SH3GL3: variants seen among roughly 807,000 people sequenced by gnomAD.
SH3GL3 encodes the protein SH3 domain containing GRB2 like 3, endophilin A3.
Under a neutral mutation model 47.7 loss-of-function variants are expected in SH3GL3, and 33 were observed. That is an observed-to-expected ratio of 0.69 (90% CI 0.52 to 0.92). SH3GL3 has a LOEUF of 0.92. Among genes scored for constraint, SH3GL3 ranks in the 40% least tolerant of loss-of-function variants. The pLI is 0.00. For missense variants in SH3GL3, 363 were observed against 417.8 expected (o/e 0.87, Z 1.14); for synonymous variants, 155 against 148.8 (o/e 1.04, Z -0.30).
chr15:83,501,239 T>C (rs1330239318), intron 1 of SH3GL3, among the ~76,000 whole-genome samples: 2 of 152,216 alleles, frequency 1.3e-5, no homozygotes, highest in African/African-American at 4.8e-5. Context: ...GGATTAAATT[T>C]GTAATTATTG....
chr15:83,563,694 A>G (rs1165187940), intron 2 of SH3GL3, among the ~76,000 whole-genome samples: 1 of 151,948 alleles, frequency 6.6e-6, no homozygotes, highest in Non-Finnish European at 1.5e-5. Context: ...GCTGGAGTGT[A>G]GTGGCGTGAT....
At chr15:83,484,573 C>T (rs1304505117) in intron 1 of SH3GL3, among the ~76,000 whole-genome samples, 1 of 151,522 alleles carries the variant, frequency 6.6e-6, no homozygotes, top group African/African-American at 2.4e-5. Context: ...TCCCACATTT[C>T]TTTATTTTGG....
intron 8 of SH3GL3, among the ~76,000 whole-genome samples, chr15:83,614,083 C>T (rs1319704588): frequency 6.6e-6 from 1 of 152,174 alleles, no homozygotes; most frequent in African/African-American, 2.4e-5. Context: ...GACTTTGACT[C>T]ACAGCTCAGG....
chr15:83,589,925 A>G (rs117140652), intron 8 of SH3GL3, among the ~76,000 whole-genome samples: 8,623 of 152,252 alleles, frequency 0.057, 337 homozygotes, highest in Middle Eastern at 0.099. Flanking sequence ...AAGCATGAAC[A>G]CCTGCTTCCC....
In SH3GL3 at chr15:83,566,365, AGTGTGT is replaced by A. The variant is rs57323112; in HGVS notation, c.187+1196_187+1201del. Among the ~76,000 whole-genome samples, 1,257 of 136,566 alleles carry A rather than the reference AGTGTGT, an allele frequency of 9.2e-3. 18 individuals carry two copies. Among genetic ancestry groups the A allele is most frequent in the African/African-American group, 0.027 (985 of 36,640 alleles). 89.6% of individuals were successfully genotyped at this position (136,566 alleles called of 152,430 possible). A position where few individuals can be genotyped will look rare whatever the true frequency, so the allele number is the denominator to read the frequency against. ...GATGGGCAGAGAGAGAGAGAGAGAG[AGTGTGT>A]GTGTGTGTGTGTGTGTGTGTGTGTG... On this transcript the variant is annotated intron_variant, in intron 3 of 8. Coordinates refer to ENST00000427482, the MANE Select transcript of SH3GL3 (RefSeq NM_003027.5).
chr15:83,494,635 C>T (rs375598266), intron 1 of SH3GL3, among the ~76,000 whole-genome samples: 3 of 151,674 alleles, frequency 2.0e-5, no homozygotes, highest in East Asian at 1.9e-4. Context: ...CTCTGCCTCC[C>T]GGGTTCAAGC....
chr15:83,591,683 T>G (rs1281756053), intron 8 of SH3GL3, among the ~76,000 whole-genome samples: 1 of 151,978 alleles, frequency 6.6e-6, no homozygotes, highest in East Asian at 1.9e-4. Flanking sequence ...TATTTTTTAT[T>G]TTATTTATTT....
chr15:83,558,201 G>A (rs555952796), intron 1 of SH3GL3, among the ~76,000 whole-genome samples: 10 of 152,094 alleles, frequency 6.6e-5, no homozygotes, highest in Admixed American at 1.3e-4. Context: ...TGTCTTCCTC[G>A]TTCTTTAATC....
intron 1 of SH3GL3, among the ~76,000 whole-genome samples, chr15:83,557,850 T>C (rs1476071142): frequency 6.6e-6 from 1 of 152,206 alleles, no homozygotes; most frequent in Non-Finnish European, 1.5e-5. Context: ...ACTCCAACTC[T>C]AGCTCGGAGG....
chr15:83,618,048 A>G, intron 8 of SH3GL3, 34 bp from the exon 9 acceptor site: 3 of 1,339,964 alleles, frequency 2.2e-6, no homozygotes, highest in Non-Finnish European at 3.2e-6. Context: ...CATCATGTTC[A>G]TCTGTACTTT....
In SH3GL3 at chr15:83,543,590, TA is replaced by T. The variant is rs1188211385; in HGVS notation, c.46-15660del. ...AGTAGGATTTGTATTAGTTCCTCTT[TA>T]AATGTTTGGTAGAATTCAGCAGTGA... On this transcript the variant is annotated intron_variant, in intron 1 of 8. Coordinates refer to ENST00000427482, the MANE Select transcript of SH3GL3 (RefSeq NM_003027.5). Among the ~76,000 whole-genome samples, 4 of 152,094 alleles carry T rather than the reference TA, an allele frequency of 2.6e-5. No homozygotes were observed. In the East Asian group the frequency reaches 7.7e-4, roughly 29 times the overall value.
At chr15:83,457,444 C>G (rs1279339664) in intron 1 of SH3GL3, among the ~76,000 whole-genome samples, 7 of 152,226 alleles carry the variant, frequency 4.6e-5, no homozygotes, top group African/African-American at 1.4e-4. Context: ...TTCCCCCTTT[C>G]TCTTTTAATG....
intron 1 of SH3GL3, among the ~76,000 whole-genome samples, chr15:83,521,365 C>A (rs774229279): frequency 1.3e-5 from 2 of 152,074 alleles, no homozygotes; most frequent in Non-Finnish European, 2.9e-5. Flanking sequence ...ATGGACACTA[C>A]CTTTAGGTGC....
At chr15:83,494,942 G>C (rs1031624105) in intron 1 of SH3GL3, among the ~76,000 whole-genome samples, 1 of 152,176 alleles carries the variant, frequency 6.6e-6, no homozygotes, top group South Asian at 2.1e-4. Flanking sequence ...GCGGAAGAGG[G>C]TGCTGTGGTC....
chr15:83,604,320 G>T (rs1217452102), intron 8 of SH3GL3, among the ~76,000 whole-genome samples: 1 of 152,116 alleles, frequency 6.6e-6, no homozygotes, highest in Non-Finnish European at 1.5e-5. Flanking sequence ...GCTTGCACCC[G>T]AGTAGTTCTT....
At chr15:83,583,248 C>T (rs976162494) in intron 6 of SH3GL3, among the ~76,000 whole-genome samples, 1 of 152,226 alleles carries the variant, frequency 6.6e-6, no homozygotes, top group Non-Finnish European at 1.5e-5. Flanking sequence ...TCTCTGTCCT[C>T]GCCATGGGCT....
chr15:83,517,548 G>A (rs1022827363), intron 1 of SH3GL3, among the ~76,000 whole-genome samples: 4 of 152,024 alleles, frequency 2.6e-5, no homozygotes, highest in Non-Finnish European at 5.9e-5. Context: ...TTTGATTGAG[G>A]TTGAGAACCT....
intron 1 of SH3GL3, among the ~76,000 whole-genome samples, chr15:83,531,377 G>T (rs2043663992): frequency 6.6e-6 from 1 of 152,206 alleles, no homozygotes; most frequent in South Asian, 2.1e-4. Context: ...GACCTTTGAA[G>T]GCTGTGTAGG....
At chr15:83,619,111 G>T (rs147341374), downstream of SH3GL3, among the ~76,000 whole-genome samples, 416 of 152,282 alleles carry the variant, frequency 2.7e-3, 3 homozygotes, top group Middle Eastern at 0.01. Flanking sequence ...CCCTGGCCTT[G>T]CCTACAGTAC....
Sources: gnomAD v4.1 joint callset for allele counts (sites outside exome capture counted in the v4.1 genomes callset) on GRCh38, gnomAD v4.1.1 for gene constraint, MANE v1.5 for transcripts, NCBI Gene and HGNC (gene_info 2026-07-23, HGNC 2026-07-21) for gene names.